The following AOPEP variants were observed in gnomAD, a reference collection of about 807,000 sequenced individuals.
AOPEP encodes aminopeptidase O (putative).
In AOPEP, 77 loss-of-function variants were observed where a neutral mutation model predicts 98.1. That is an observed-to-expected ratio of 0.78 (90% CI 0.65 to 0.95). AOPEP has a LOEUF of 0.95. AOPEP is among the 40% of genes least tolerant of loss of function. AOPEP has a pLI of 0.00. For missense variants in AOPEP, 1,024 were observed against 1,024.7 expected, an observed-to-expected ratio of 1.00 and a Z score of 0.01; for synonymous variants, 346 against 365.3, an observed-to-expected ratio of 0.95 and a Z score of 0.60.
At chr9:94,945,814 AGTC>A (rs1235619475) in intron 7 of AOPEP, among the ~76,000 whole-genome samples, 1 of 152,140 alleles carries the variant, frequency 6.6e-6, no homozygotes, top group African/African-American at 2.4e-5. Flanking sequence ...TTCCAGAAGA[AGTC>A]GTGATTTTTT....
chr9:94,919,387 G>A (rs1001298628), intron 5 of AOPEP, among the ~76,000 whole-genome samples: 3 of 152,128 alleles, frequency 2.0e-5, no homozygotes, highest in African/African-American at 7.2e-5. Flanking sequence ...TCGGGTGGGT[G>A]CCAGATGAGG....
intron 5 of AOPEP, among the ~76,000 whole-genome samples, chr9:94,810,252 G>A (rs1850219061): frequency 6.6e-6 from 1 of 152,052 alleles, no homozygotes; most frequent in African/African-American, 2.4e-5. Flanking sequence ...GAAAAGTAAG[G>A]GGGTGATTTA....
the AOPEP span, among the ~76,000 whole-genome samples, chr9:95,106,462 A>C: frequency 1.3e-5 from 2 of 151,988 alleles, no homozygotes; most frequent in Non-Finnish European, 2.9e-5. Context: ...AAAGCTTTTA[A>C]TTTTCATAAA....
chr9:94,822,813 C>T (rs1439456708), intron 5 of AOPEP, among the ~76,000 whole-genome samples: 3 of 152,146 alleles, frequency 2.0e-5, no homozygotes, highest in African/African-American at 7.2e-5. Flanking sequence ...GACTTGCATC[C>T]TCTATGGAAT....
the AOPEP span, among the ~76,000 whole-genome samples, chr9:95,148,110 C>T: frequency 6.6e-6 from 1 of 152,206 alleles, no homozygotes; most frequent in Non-Finnish European, 1.5e-5. Context: ...CACCACCACA[C>T]ACACACAGTC....
chr9:95,050,478 A>G (rs553754687), intron 13 of AOPEP, among the ~76,000 whole-genome samples: 5 of 152,338 alleles, frequency 3.3e-5, no homozygotes, highest in East Asian at 1.9e-4. Flanking sequence ...TGTGACTCCT[A>G]TGCCTTGTAG....
chr9:94,799,912 G>C (rs1262194280), intron 4 of AOPEP, among the ~76,000 whole-genome samples: 1 of 151,776 alleles, frequency 6.6e-6, no homozygotes, highest in Non-Finnish European at 1.5e-5. Flanking sequence ...GTTTTTCATT[G>C]TGTTTGAATA....
chr9:94,782,050 G>C (rs557886243), intron 3 of AOPEP, among the ~76,000 whole-genome samples: 1 of 151,440 alleles, frequency 6.6e-6, no homozygotes, highest in East Asian at 2.0e-4. Flanking sequence ...AAAATTAGCC[G>C]GGCGTGGTGG....
At chr9:94,743,167 A>AAAGAAGAAGAAGAAGAAG (rs138111726) in intron 1 of AOPEP, among the ~76,000 whole-genome samples, 1 of 142,740 alleles carries the variant, frequency 7.0e-6, no homozygotes, top group African/African-American at 2.7e-5. Flanking sequence ...TTGCAATATA[A>AAAGAAGAAGAAGAAGAAG]AAGAAGAAGA....
downstream of AOPEP, among the ~76,000 whole-genome samples, chr9:95,089,130 T>C (rs1259972583): frequency 6.6e-6 from 1 of 152,168 alleles, no homozygotes; most frequent in Non-Finnish European, 1.5e-5. Flanking sequence ...TGCTAGCTGC[T>C]CCTCTGGCAT....
the AOPEP span, among the ~76,000 whole-genome samples, chr9:95,128,641 G>A: frequency 1.3e-5 from 2 of 152,194 alleles, no homozygotes; most frequent in African/African-American, 4.8e-5. Flanking sequence ...TGAGAGCTTA[G>A]ATCTGCTCCT....
At chr9:94,883,433 C>A (rs1452702525) in intron 5 of AOPEP, among the ~76,000 whole-genome samples, 7 of 152,174 alleles carry the variant, frequency 4.6e-5, no homozygotes. Flanking sequence ...CTGGTTCCAG[C>A]TTGACTTTGC....
chr9:94,835,012 T>C (rs1470984572), intron 5 of AOPEP, among the ~76,000 whole-genome samples: 2 of 152,162 alleles, frequency 1.3e-5, no homozygotes, highest in African/African-American at 4.8e-5. Context: ...TATGGGTACC[T>C]GAGAAAGGAA....
intron 13 of AOPEP, among the ~76,000 whole-genome samples, chr9:95,026,012 C>T (rs2063806565): frequency 5.3e-5 from 8 of 152,164 alleles, no homozygotes; most frequent in Admixed American, 5.2e-4. Flanking sequence ...ATGCGTCCCT[C>T]CCCCGTGTTC....
rs369793988 is a variant in AOPEP at position 94,916,703 on chromosome 9, A to T, written c.1365-7283A>T. ...GAGCGAGACTCCCTCTCAAAAAAAAAAAAAAATTAAATAAATAAATAAATA... is the reference window on the plus strand; with the variant it reads ...GAGCGAGACTCCCTCTCAAAAAAAATAAAAAATTAAATAAATAAATAAATA... On this transcript the variant is annotated intron_variant, in intron 5 of 16. Coordinates refer to ENST00000375315, the MANE Select transcript of AOPEP (RefSeq NM_001193329.3). Among the ~76,000 whole-genome samples the T allele has an allele frequency of 7.8e-4, 118 of 150,500 alleles. 1 individual carries two copies. In the Middle Eastern group the frequency reaches 0.01, roughly 13 times the overall value.
At chr9:94,798,772 G>A (rs1399447772) in intron 4 of AOPEP, among the ~76,000 whole-genome samples, 1 of 152,194 alleles carries the variant, frequency 6.6e-6, no homozygotes, top group Non-Finnish European at 1.5e-5. Flanking sequence ...AAAAGATACT[G>A]TGGTGGTTAA....
intron 3 of AOPEP, among the ~76,000 whole-genome samples, chr9:94,776,725 G>A (rs1371236801): frequency 2.0e-5 from 3 of 152,038 alleles, no homozygotes; most frequent in Admixed American, 6.6e-5. Context: ...TTATCCTTCC[G>A]CACCCATATT....
chr9:95,093,266 T>C, the AOPEP span, among the ~76,000 whole-genome samples: 52 of 152,286 alleles, frequency 3.4e-4, no homozygotes, highest in Non-Finnish European at 6.3e-4. Flanking sequence ...GATGGGTCTT[T>C]GGAAAGCTGG....
chr9:94,773,565 C>T (rs1227818658), intron 3 of AOPEP, among the ~76,000 whole-genome samples: 1 of 152,154 alleles, frequency 6.6e-6, no homozygotes, highest in Non-Finnish European at 1.5e-5. Context: ...AGAGATAGTG[C>T]TCTTGTTGGC....
Sources: allele counts gnomAD v4.1 joint callset (sites outside exome capture counted in the v4.1 genomes callset), GRCh38; gene constraint gnomAD v4.1.1; transcripts MANE v1.5; gene names NCBI Gene and HGNC (gene_info 2026-07-23, HGNC 2026-07-21).